The following KCNJ6 variants were observed in gnomAD, a reference collection of about 807,000 sequenced individuals.
KCNJ6 encodes G protein-activated inward rectifier potassium channel 2.
In KCNJ6, 9 loss-of-function variants were observed where a neutral mutation model predicts 34.2. That is an observed-to-expected ratio of 0.26 (90% CI 0.16 to 0.46). KCNJ6 has a LOEUF of 0.46. Among genes scored for constraint, KCNJ6 ranks in the 20% least tolerant of loss-of-function variants. The pLI, the probability that KCNJ6 is intolerant of heterozygous loss-of-function variation, is 1.00. For missense variants in KCNJ6, 236 were observed against 531.3 expected, an observed-to-expected ratio of 0.44 and a Z score of 5.46; for synonymous variants, 196 against 207.1, an observed-to-expected ratio of 0.95 and a Z score of 0.46.
At chr21:37,834,249 A>T (rs2055440859) in intron 2 of KCNJ6, among the ~76,000 whole-genome samples, 1 of 152,126 alleles carries the variant, frequency 6.6e-6, no homozygotes, top group African/African-American at 2.4e-5. Flanking sequence ...CCCTTTTATA[A>T]TCTGACCTCT....
intron 1 of KCNJ6, among the ~76,000 whole-genome samples, chr21:37,911,591 T>C (rs932582324): frequency 2.0e-5 from 3 of 152,218 alleles, no homozygotes; most frequent in African/African-American, 7.2e-5. Context: ...TTGAAAAGTA[T>C]TGTCAGTTTA....
At chr21:37,824,180 A>T (rs2055387969) in intron 2 of KCNJ6, among the ~76,000 whole-genome samples, 1 of 152,234 alleles carries the variant, frequency 6.6e-6, no homozygotes, top group African/African-American at 2.4e-5. Context: ...TGGTTAATGT[A>T]GAGAGTCAGC....
chr21:37,779,002 T>G (rs1336948667), intron 2 of KCNJ6, among the ~76,000 whole-genome samples: 1 of 152,118 alleles, frequency 6.6e-6, no homozygotes, highest in African/African-American at 2.4e-5. Context: ...TCAGACCAAG[T>G]GCACATCTAT....
At chr21:37,750,688 T>C (rs1432949037) in intron 2 of KCNJ6, among the ~76,000 whole-genome samples, 1 of 142,724 alleles carries the variant, frequency 7.0e-6, no homozygotes, top group Non-Finnish European at 1.5e-5. Context: ...TGAGAACACA[T>C]GGGGACACAG....
chr21:37,736,129 C>T (rs2054911673), intron 2 of KCNJ6, among the ~76,000 whole-genome samples: 1 of 152,142 alleles, frequency 6.6e-6, no homozygotes, highest in Non-Finnish European at 1.5e-5. Flanking sequence ...GGCTTGGAGC[C>T]CCATCTCTGC....
At chr21:37,628,554 C>T (rs747493475) in intron 3 of KCNJ6, among the ~76,000 whole-genome samples, 19 of 152,042 alleles carry the variant, frequency 1.2e-4, no homozygotes, top group Non-Finnish European at 1.0e-4. Context: ...ACAGAGCAAG[C>T]ATACCAACGT....
At chr21:37,737,066 T>C (rs2054916784) in intron 2 of KCNJ6, among the ~76,000 whole-genome samples, 1 of 152,206 alleles carries the variant, frequency 6.6e-6, no homozygotes, top group African/African-American at 2.4e-5. Context: ...TGTGATGTTC[T>C]TTTCCTGTGT....
At chr21:37,711,434 C>T (rs975734940) in intron 3 of KCNJ6, among the ~76,000 whole-genome samples, 9 of 152,102 alleles carry the variant, frequency 5.9e-5, no homozygotes, top group African/African-American at 1.5e-4. Context: ...AGGTCAACTG[C>T]GACATTGTTG....
intron 2 of KCNJ6, among the ~76,000 whole-genome samples, chr21:37,809,741 T>C (rs1395374576): frequency 6.6e-6 from 1 of 152,188 alleles, no homozygotes; most frequent in Non-Finnish European, 1.5e-5. Flanking sequence ...GCCTCCCTTG[T>C]AGTAGGTAGA....
intron 3 of KCNJ6, among the ~76,000 whole-genome samples, chr21:37,698,891 G>C (rs976229154): frequency 6.6e-6 from 1 of 152,012 alleles, no homozygotes; most frequent in Admixed American, 6.6e-5. Flanking sequence ...TAGAGATGGG[G>C]TTTCACCATC....
chr21:37,642,119 G>A (rs1057247746), intron 3 of KCNJ6, among the ~76,000 whole-genome samples: 8 of 152,162 alleles, frequency 5.3e-5, no homozygotes, highest in African/African-American at 9.7e-5. Flanking sequence ...GCAGGCCATC[G>A]GGATAACCAA....
intron 2 of KCNJ6, among the ~76,000 whole-genome samples, chr21:37,797,179 T>C (rs985469403): frequency 5.3e-5 from 8 of 151,980 alleles, no homozygotes; most frequent in Middle Eastern, 6.3e-3. Flanking sequence ...TTCTCTTGAG[T>C]AGCTGGGATT....
At chr21:37,871,131 G>T (rs1601510545) in intron 1 of KCNJ6, among the ~76,000 whole-genome samples, 1 of 152,140 alleles carries the variant, frequency 6.6e-6, no homozygotes, top group Non-Finnish European at 1.5e-5. Flanking sequence ...GCTTAGTATG[G>T]ATGGAGGGGA....
At chr21:37,757,948 G>A (rs371794177) in intron 2 of KCNJ6, among the ~76,000 whole-genome samples, 12 of 152,218 alleles carry the variant, frequency 7.9e-5, no homozygotes, top group African/African-American at 2.7e-4. Flanking sequence ...ATGAGATCAG[G>A]TTTCCAGCAG....
intron 3 of KCNJ6, among the ~76,000 whole-genome samples, chr21:37,630,710 C>T (rs550988688): frequency 2.6e-5 from 4 of 152,250 alleles, no homozygotes; most frequent in Non-Finnish European, 4.4e-5. Context: ...TTTTGATATA[C>T]GTGTATGTTG....
chr21:37,715,198 G>T, intron 2 of KCNJ6, 67 bp from the exon 3 acceptor site: 3 of 1,361,224 alleles, frequency 2.2e-6, no homozygotes, highest in Non-Finnish European at 3.0e-6. Context: ...CAATGGAACG[G>T]CACACTTTGT....
intron 1 of KCNJ6, among the ~76,000 whole-genome samples, chr21:37,871,636 C>G (rs1216987041): frequency 1.3e-5 from 2 of 152,200 alleles, no homozygotes; most frequent in East Asian, 1.9e-4. Flanking sequence ...CTCTTCAAAT[C>G]TGGAAGAAGT....
intron 2 of KCNJ6, among the ~76,000 whole-genome samples, chr21:37,827,455 T>C (rs2055404448): frequency 6.6e-6 from 1 of 151,884 alleles, no homozygotes; most frequent in Non-Finnish European, 1.5e-5. Context: ...GTAGTAGAAA[T>C]CGATCAACAA....
intron 1 of KCNJ6, among the ~76,000 whole-genome samples, chr21:37,892,274 G>C (rs902100318): frequency 6.6e-6 from 1 of 152,226 alleles, no homozygotes; most frequent in Non-Finnish European, 1.5e-5. Flanking sequence ...GTAAGAGTGA[G>C]AGGGAGCCCT....
Sources: gnomAD v4.1 joint callset for allele counts (sites outside exome capture counted in the v4.1 genomes callset) on GRCh38, gnomAD v4.1.1 for gene constraint, MANE v1.5 for transcripts, NCBI Gene and HGNC (gene_info 2026-07-23, HGNC 2026-07-21) for gene names.